The following FUT8 variants were observed in gnomAD, a reference collection of about 807,000 sequenced individuals.
The protein encoded by FUT8 is fucosyltransferase 8, also known as alpha-(1,6)-fucosyltransferase.
A neutral mutation model predicts 71.3 loss-of-function variants in FUT8; 29 were observed. That is an observed-to-expected ratio of 0.41 (90% CI 0.30 to 0.55). The LOEUF (loss-of-function observed/expected upper bound fraction) is 0.55. Among genes scored for constraint, FUT8 ranks in the 20% least tolerant of loss-of-function variants. The pLI is 0.34. For missense variants in FUT8, 544 were observed against 702.1 expected (o/e 0.77, Z 2.55); for synonymous variants, 254 against 239.3 (o/e 1.06, Z -0.57).
the FUT8 span, among the ~76,000 whole-genome samples, chr14:65,388,660 G>GGAGA: frequency 1.3e-5 from 2 of 152,168 alleles, no homozygotes; most frequent in African/African-American, 4.8e-5. Flanking sequence ...TACTCAGGAG[G>GGAGA]CTGAGGCAGG....
chr14:65,570,575 A>G (rs182672071), intron 3 of FUT8, among the ~76,000 whole-genome samples: 271 of 152,152 alleles, frequency 1.8e-3, no homozygotes, highest in Middle Eastern at 3.4e-3. Flanking sequence ...GCTGACATAC[A>G]CGATTTCCAT....
chr14:65,416,455 A>G (rs1318579852), intron 1 of FUT8, among the ~76,000 whole-genome samples: 1 of 151,932 alleles, frequency 6.6e-6, no homozygotes, highest in Admixed American at 6.6e-5. Flanking sequence ...AGCCAGCTTT[A>G]TTATAGTACT....
At position 65,742,617 on chromosome 14, in the gene FUT8, C is replaced by G; in HGVS notation, c.*207C>G. 1 of 566,064 alleles carries G rather than the reference C, an allele frequency of 1.8e-6. No individual in the cohort carries two copies. The highest frequency in any genetic ancestry group is 2.2e-5 in the South Asian group (1 of 45,070). The allele number at this position is 566,064 out of a possible 1,614,324, so 35.1% of individuals were successfully genotyped here. ...AACAAGGGCTGCAATGCCCTCATAC[C>G]CATGCACAGTACAATAATGTACTCA... On this transcript the variant is annotated 3_prime_UTR_variant, in exon 11 of 11. Coordinates refer to ENST00000673929, the MANE Select transcript of FUT8 (RefSeq NM_001371533.1).
upstream of FUT8, among the ~76,000 whole-genome samples, chr14:65,405,958 G>A (rs1024728191): frequency 6.6e-6 from 1 of 152,250 alleles, no homozygotes; most frequent in Non-Finnish European, 1.5e-5. Context: ...GCAATGGACA[G>A]CGGTCACACA....
chr14:65,540,199 G>A (rs536940368), intron 2 of FUT8, among the ~76,000 whole-genome samples: 3 of 152,270 alleles, frequency 2.0e-5, no homozygotes, highest in Admixed American at 2.0e-4. Context: ...AATAGATAGG[G>A]AGTCATGATG....
chr14:65,527,655 C>T (rs1400047766), intron 2 of FUT8, among the ~76,000 whole-genome samples: 1 of 152,138 alleles, frequency 6.6e-6, no homozygotes, highest in Non-Finnish European at 1.5e-5. Flanking sequence ...CTTTTCTGCT[C>T]TGTTTTTTCC....
chr14:65,447,889 C>T (rs998835875), intron 1 of FUT8, among the ~76,000 whole-genome samples: 31 of 152,068 alleles, frequency 2.0e-4, no homozygotes, highest in African/African-American at 7.2e-4. Flanking sequence ...GTTTCTGTTT[C>T]GGGATTAGTT....
upstream of FUT8, chr14:65,412,643 C>T (rs976774732): frequency 3.5e-5 from 9 of 255,368 alleles, no homozygotes; most frequent in East Asian, 1.4e-3. Context: ...GAATCCCTGG[C>T]ACATGCCAGG....
intron 2 of FUT8, among the ~76,000 whole-genome samples, chr14:65,475,062 T>G (rs1566771029): frequency 6.6e-6 from 1 of 152,190 alleles, no homozygotes; most frequent in East Asian, 1.9e-4. Flanking sequence ...AAGTTATGCA[T>G]ACAAGGATGA....
At chr14:65,575,380 A>C (rs1886700406) in intron 3 of FUT8, among the ~76,000 whole-genome samples, 1 of 152,086 alleles carries the variant, frequency 6.6e-6, no homozygotes, top group African/African-American at 2.4e-5. Context: ...TCCTGTAATT[A>C]TATGTATACA....
intron 3 of FUT8, among the ~76,000 whole-genome samples, chr14:65,605,379 G>A (rs1372660549): frequency 6.6e-6 from 1 of 151,850 alleles, no homozygotes; most frequent in African/African-American, 2.4e-5. Context: ...CTAAACCCCA[G>A]TCCCTCAGAT....
chr14:65,741,617 G>C (rs998434407), intron 10 of FUT8, among the ~76,000 whole-genome samples: 4 of 151,924 alleles, frequency 2.6e-5, no homozygotes, highest in African/African-American at 9.7e-5. Context: ...TAGCAGATGA[G>C]AATGTGTGAT....
intron 3 of FUT8, among the ~76,000 whole-genome samples, chr14:65,566,601 G>C (rs1886209059): frequency 6.6e-6 from 1 of 151,988 alleles, no homozygotes; most frequent in Non-Finnish European, 1.5e-5. Context: ...GCATGTGCCA[G>C]ATTGGAGTTA....
chr14:65,695,346 G>A (rs1014817867), intron 7 of FUT8, among the ~76,000 whole-genome samples: 2 of 152,076 alleles, frequency 1.3e-5, no homozygotes, highest in East Asian at 1.9e-4. Context: ...CAGTTGTTAG[G>A]TGCATTATAC....
chr14:65,433,486 A>G (rs1211266128), intron 1 of FUT8, among the ~76,000 whole-genome samples: 2 of 152,208 alleles, frequency 1.3e-5, no homozygotes, highest in Admixed American at 1.3e-4. Flanking sequence ...TCGTATTTGC[A>G]TATGCTATTG....
intron 7 of FUT8, among the ~76,000 whole-genome samples, chr14:65,714,061 G>T (rs906324243): frequency 1.3e-5 from 2 of 152,194 alleles, no homozygotes; most frequent in African/African-American, 4.8e-5. Flanking sequence ...GTGAGAGATA[G>T]GGGCCTAGTT....
chr14:65,621,741 A>G (rs1382437050), intron 5 of FUT8, among the ~76,000 whole-genome samples: 1 of 152,034 alleles, frequency 6.6e-6, no homozygotes, highest in Non-Finnish European at 1.5e-5. Context: ...TTGTATTTTT[A>G]GTAGAGACAG....
In FUT8 at chr14:65,660,438, T is replaced by C. The variant is rs985418725; in HGVS notation, c.598-8805T>C. Among the ~76,000 whole-genome samples the C allele has an allele frequency of 6.6e-6, 1 of 152,212 alleles. No individual in the cohort carries two copies. The highest frequency in any genetic ancestry group is 1.5e-5 in the Non-Finnish European group (1 of 68,026). ...TGGCTTTACTTACCAAGATAAGCTT[T>C]CCTCTTCTATGACCATATAGTAACT... On this transcript the variant is annotated intron_variant, in intron 6 of 10. Transcript: ENST00000673929. The surrounding 1 kb of genome is among the most constrained non-coding windows in gnomAD (Gnocchi z 4.1).
chr14:65,562,833 A>G (rs1170693129), intron 3 of FUT8, among the ~76,000 whole-genome samples: 1 of 152,078 alleles, frequency 6.6e-6, no homozygotes, highest in Non-Finnish European at 1.5e-5. Context: ...TGTTACGGAA[A>G]CTGAGGAACA....
Sources: gnomAD v4.1 joint callset for allele counts (sites outside exome capture counted in the v4.1 genomes callset) on GRCh38, gnomAD v4.1.1 for gene constraint, Gnocchi (gnomAD v3.1) non-coding constraint, MANE v1.5 for transcripts, NCBI Gene and HGNC (gene_info 2026-07-23, HGNC 2026-07-21) for gene names.